The following ACADS variants were observed in gnomAD, a reference collection of about 807,000 sequenced individuals.
The protein encoded by ACADS is short-chain specific acyl-CoA dehydrogenase, mitochondrial.
In ACADS, 28 loss-of-function variants were observed where a neutral mutation model predicts 46.8. The ratio of observed to expected loss-of-function variants is 0.60; its 90% CI spans 0.44 to 0.82. The LOEUF (loss-of-function observed/expected upper bound fraction) is 0.82. ACADS is among the 40% of genes least tolerant of loss of function. The pLI, the probability that ACADS is intolerant of heterozygous loss-of-function variation, is 0.00. For missense variants in ACADS, 528 were observed against 578.0 expected, an observed-to-expected ratio of 0.91 and a Z score of 0.89; for synonymous variants, 236 against 237.7, an observed-to-expected ratio of 0.99 and a Z score of 0.07.
chr12:120,739,041 A>G, intron 8 of ACADS, 99 bp from the exon 9 acceptor site: 1 of 1,592,324 alleles, frequency 6.3e-7, no homozygotes, highest in Non-Finnish European at 8.6e-7. Context: ...TTACAGCCCC[A>G]TGGGGAGGCT....
At chr12:120,734,953 C>G (rs1468373734) in intron 2 of ACADS, among the ~76,000 whole-genome samples, 1 of 150,900 alleles carries the variant, frequency 6.6e-6, no homozygotes, top group Admixed American at 6.6e-5. Flanking sequence ...GGTTTCACCA[C>G]GTTGGCCAGG....
In ACADS at chr12:120,739,486, G is replaced by T. The variant is rs779465933; in HGVS notation, c.*38G>T. ...CTGCCCCAGGACTGCGGGAAGGCGC[G>T]GGAGCCAGGGGCCTCCACCCCAACC... is the stretch of plus-strand genomic sequence containing the variant. On this transcript the variant is annotated 3_prime_UTR_variant, in exon 10 of 10. Transcript: ENST00000242592. 14 of 1,589,200 alleles carry T rather than the reference G, an allele frequency of 8.8e-6. No individual in the cohort carries two copies. The African/African-American group carries it at 1.9e-4, about 21-fold the overall frequency.
chr12:120,737,091 A>G lies in ACADS; in HGVS notation c.316A>G (p.Ser106Gly). 1 of 1,598,698 alleles carries G rather than the reference A, an allele frequency of 6.3e-7. No homozygotes were observed. The highest frequency in any genetic ancestry group is 8.5e-7 in the Non-Finnish European group (1 of 1,172,490). Residue 106 changes from serine to glycine, a missense_variant, in exon 3 of 10, where the codon AGC becomes GGC. Transcript: ENST00000242592. ...CTACGCCATCGCCATGGAGGAGATC[A>G]GCCGTGGCTGCGCCTCCACCGGAGT... is the stretch of plus-strand genomic sequence containing the variant. ...LAYAIAMEEI[S>G]RGCASTGVIM...
At chr12:120,731,842 A>C (rs1255371348) in intron 2 of ACADS, among the ~76,000 whole-genome samples, 1 of 151,968 alleles carries the variant, frequency 6.6e-6, no homozygotes, top group Non-Finnish European at 1.5e-5. Flanking sequence ...GATGACTCTT[A>C]AGGAGCATGC....
chr12:120,735,211 G>C (rs1397915468), intron 2 of ACADS, among the ~76,000 whole-genome samples: 1 of 146,204 alleles, frequency 6.8e-6, no homozygotes, highest in Non-Finnish European at 1.5e-5. Context: ...GGTGGAGGTT[G>C]CAGTGAGCCG....
intron 2 of ACADS, among the ~76,000 whole-genome samples, chr12:120,734,078 T>C (rs939074309): frequency 1.3e-5 from 2 of 152,200 alleles, no homozygotes; most frequent in African/African-American, 4.8e-5. Flanking sequence ...TTCCTGCCTC[T>C]GCTTCCGTCG....
In ACADS at chr12:120,738,582, T is replaced by C. The variant is rs1419205894; in HGVS notation, c.845T>C (p.Ile282Thr). 6 of 1,612,822 alleles carry C rather than the reference T, an allele frequency of 3.7e-6. No individual in the cohort carries two copies. In the South Asian group the frequency reaches 5.5e-5, roughly 15 times the overall value. ...GGCATCGCCTCCCAGGCCCTGGGCATTGCCCAGACCGCCCTCGATTGTGCT... is the reference window on the plus strand; with the variant it reads ...GGCATCGCCTCCCAGGCCCTGGGCACTGCCCAGACCGCCCTCGATTGTGCT... Reference protein sequence around the residue: ...RIGIASQALGIAQTALDCAVN... With the variant: ...RIGIASQALGTAQTALDCAVN... Residue 282 changes from isoleucine to threonine, a missense_variant, in exon 7 of 10, where the codon ATT becomes ACT. Physicochemically the swap from Ile to Thr is moderately conservative, Grantham distance 89 (BLOSUM62 -1). Coordinates refer to ENST00000242592, the MANE Select transcript of ACADS (RefSeq NM_000017.4).
chr12:120,737,465 C>T lies in ACADS; in HGVS notation c.470C>T (p.Pro157Leu). 1.2e-6 allele frequency: 2 copies of T among 1,613,112 alleles called. No homozygotes were observed. The highest frequency in any genetic ancestry group is 1.7e-6 in the Non-Finnish European group (2 of 1,179,176). The change falls in exon 4 of 10, where the codon CCA becomes CTA. Residue 157 changes from proline to leucine, a missense_variant and splice_region_variant. Transcript: ENST00000242592. ...DKIGCFALSE[P>L]GNGSDAGAAS... is the part of the protein sequence containing the mutation. ...ATTGGCTGCTTTGCCCTCAGCGAACCAGGTACCTGCCCTGTCCCCTCACCT... is the reference window on the plus strand; with the variant it reads ...ATTGGCTGCTTTGCCCTCAGCGAACTAGGTACCTGCCCTGTCCCCTCACCT...
intron 2 of ACADS, among the ~76,000 whole-genome samples, chr12:120,736,729 G>T (rs1711788051): frequency 6.6e-6 from 1 of 152,184 alleles, no homozygotes; most frequent in Non-Finnish European, 1.5e-5. Context: ...CTGCTTGCTC[G>T]CTGCCGTGGC....
intron 2 of ACADS, among the ~76,000 whole-genome samples, chr12:120,736,622 G>A (rs1443654316): frequency 1.3e-5 from 2 of 152,174 alleles, no homozygotes; most frequent in African/African-American, 4.8e-5. Flanking sequence ...GGGAGGGTGC[G>A]TGTGTGTGGA....
intron 2 of ACADS, among the ~76,000 whole-genome samples, chr12:120,733,461 A>G (rs959186540): frequency 6.6e-6 from 1 of 152,050 alleles, no homozygotes; most frequent in African/African-American, 2.4e-5. Flanking sequence ...GTGCTGCCGC[A>G]GGTCTGTGTC....
At chr12:120,734,179 C>T (rs1321887274) in intron 2 of ACADS, among the ~76,000 whole-genome samples, 1 of 152,254 alleles carries the variant, frequency 6.6e-6, no homozygotes, top group Non-Finnish European at 1.5e-5. Flanking sequence ...GAATAACCCT[C>T]ACATCTCCAG....
At position 120,739,317 on chromosome 12, in the gene ACADS, A is replaced by G. The variant is rs566325901; in HGVS notation, c.1108A>G (p.Met370Val). Residue 370 changes from methionine to valine, a missense_variant, in exon 10 of 10, where the codon ATG (methionine) becomes GTG (valine). Transcript: ENST00000242592. ...TCAGGCCATCCAGATCCTGGGCGGC[A>G]TGGGCTACGTGACAGAGATGCCGGC... The part of the protein sequence containing the change: ...SHQAIQILGG[M>V]GYVTEMPAER... The G allele has an allele frequency of 9.1e-4, 1,462 of 1,613,020 alleles. 19 individuals carry two copies. In the South Asian group the frequency reaches 0.013, roughly 14 times the overall value.
chr12:120,736,959 T>C, intron 2 of ACADS, 27 bp from the exon 3 acceptor site: 1 of 1,579,746 alleles, frequency 6.3e-7, no homozygotes, highest in Non-Finnish European at 8.6e-7. Context: ...CAGCTGCCCA[T>C]GGCGTGCCGT....
In ACADS at chr12:120,739,105, T is replaced by G. The variant is rs754369412; in HGVS notation, c.1030-35T>G. On this transcript the variant is annotated intron_variant, in intron 8 of 9. Transcript: ENST00000242592. ...GGGAGCAGGGGATGGAGGGGTCCCC[T>G]CAAGGGAAGGCTCTGACTGTACCCC... The G allele has an allele frequency of 3.7e-6, 6 of 1,612,902 alleles. No individual in the cohort carries two copies. The South Asian group carries it at 6.6e-5, about 18-fold the overall frequency.
Position 120,727,131 on chromosome 12 carries a change from A to G in ACADS, c.152A>G (p.Lys51Arg), listed in dbSNP as rs1883110342. 6.2e-7 allele frequency: 1 copy of G among 1,614,188 alleles called. No individual in the cohort carries two copies. The highest frequency in any genetic ancestry group is 1.3e-5 in the African/African-American group (1 of 75,056). ...CAGACATGCCGGGACTTTGCCGAGA[A>G]GGAGTTGTTTCCCATTGCAGCCCAG... Reference protein sequence around the residue: ...LLQTCRDFAEKELFPIAAQVD... With the variant: ...LLQTCRDFAERELFPIAAQVD... The change falls in exon 2 of 10, where the codon AAG becomes AGG. Residue 51 changes from lysine to arginine, a missense_variant. Physicochemically the swap from Lys to Arg is conservative, Grantham distance 26 (BLOSUM62 2). Coordinates refer to ENST00000242592, the MANE Select transcript of ACADS (RefSeq NM_000017.4).
At chr12:120,735,429 C>G (rs377167509) in intron 2 of ACADS, among the ~76,000 whole-genome samples, 1 of 149,878 alleles carries the variant, frequency 6.7e-6, no homozygotes, top group African/African-American at 2.5e-5. Context: ...CAGCCTGGGC[C>G]AGGTGCTGGG....
intron 2 of ACADS, among the ~76,000 whole-genome samples, chr12:120,730,456 C>T (rs946781017): frequency 3.3e-5 from 5 of 152,100 alleles, no homozygotes; most frequent in East Asian, 1.9e-4. Context: ...AGGGAGGCGG[C>T]GCTGTGTAGG....
chr12:120,733,623 G>A (rs1314369586), intron 2 of ACADS, among the ~76,000 whole-genome samples: 1 of 140,918 alleles, frequency 7.1e-6, no homozygotes, highest in African/African-American at 2.5e-5. Flanking sequence ...CCTATTCTGA[G>A]CAGGACCCCC....
Sources: gnomAD v4.1 joint callset for allele counts (sites outside exome capture counted in the v4.1 genomes callset) on GRCh38, gnomAD v4.1.1 for gene constraint, MANE v1.5 for transcripts, NCBI Gene and HGNC (gene_info 2026-07-23, HGNC 2026-07-21) for gene names.